Variants in GLMN observed in about 807,000 individuals in gnomAD.
The protein encoded by GLMN is glomulin.
A neutral mutation model predicts 87.8 loss-of-function variants in GLMN; 75 were observed. The ratio of observed to expected loss-of-function variants is 0.85; its 90% CI spans 0.71 to 1.04. The LOEUF (loss-of-function observed/expected upper bound fraction) is 1.04, where lower values mean the gene tolerates loss of function less well. Among genes scored for constraint, GLMN ranks in the 50% least tolerant of loss-of-function variants. GLMN has a pLI of 0.00. For missense variants in GLMN, 588 were observed against 658.8 expected (o/e 0.89, Z 1.18); for synonymous variants, 206 against 221.6 (o/e 0.93, Z 0.63).
At chr1:92,292,728 TTTTC>T (rs1335522075) in intron 3 of GLMN, among the ~76,000 whole-genome samples, 11 of 136,558 alleles carry the variant, frequency 8.1e-5, no homozygotes, top group African/African-American at 2.3e-4. Flanking sequence ...CCGTCTTTTC[TTTTC>T]TTTTTTTTTT....
intron 7 of GLMN, among the ~76,000 whole-genome samples, chr1:92,285,307 C>T (rs929992839): frequency 2.0e-5 from 3 of 152,146 alleles, no homozygotes; most frequent in African/African-American, 7.2e-5. Context: ...AGTTCATGTC[C>T]TTTGCAGGGA....
In GLMN at chr1:92,283,319, G is replaced by A. The variant is rs564461824; in HGVS notation, c.735+3171C>T. Among the ~76,000 whole-genome samples, 86 of 152,270 alleles carry A rather than the reference G, an allele frequency of 5.6e-4. 1 individual carries two copies. Among genetic ancestry groups the A allele is most frequent in the African/African-American group, 1.9e-3 (81 of 41,552 alleles). On this transcript the variant is annotated intron_variant, in intron 7 of 18. Coordinates refer to ENST00000370360, the MANE Select transcript of GLMN (RefSeq NM_053274.3). ...GGGATGCAAGGCCGGTTCAACATAT[G>A]CAAATCAATAAACGTAATCTATCAC...
rs539794668 is a variant in GLMN at position 92,262,849 on chromosome 1, A to C, written c.1473+14T>G. 1.2e-5 allele frequency: 12 copies of C among 1,030,118 alleles called. No individual in the cohort carries two copies. The highest frequency in any genetic ancestry group is 1.8e-5 in the Non-Finnish European group (12 of 653,190). 63.8% of individuals were successfully genotyped at this position (1,030,118 alleles called of 1,614,324 possible). On this transcript the variant is annotated intron_variant, in intron 16 of 18. Coordinates refer to ENST00000370360, the MANE Select transcript of GLMN (RefSeq NM_053274.3). The stretch of plus-strand genomic sequence containing the variant: ...TGAATATACTCACAGTTTCTTTTCA[A>C]ATACTTCACTTACTTGATTGTCATT...
chr1:92,329,092 C>T, the GLMN span, among the ~76,000 whole-genome samples: 12 of 152,052 alleles, frequency 7.9e-5, 1 homozygote, highest in Admixed American at 6.5e-5. Flanking sequence ...TTTTTAAGTG[C>T]GCTGGTTTTG....
At chr1:92,259,897 C>A (rs1654803533) in intron 16 of GLMN, among the ~76,000 whole-genome samples, 2 of 151,886 alleles carry the variant, frequency 1.3e-5, no homozygotes, top group Non-Finnish European at 1.5e-5. Context: ...CCATGCCTGG[C>A]TAATTTTGTT....
chr1:92,345,798 GTTTA>G, the GLMN span: 3 of 1,164,014 alleles, frequency 2.6e-6, no homozygotes, highest in African/African-American at 1.5e-5. Context: ...GAAATAGAAA[GTTTA>G]TTTAAAGGTA....
chr1:92,305,479 G>C, the GLMN span, among the ~76,000 whole-genome samples: 1 of 133,856 alleles, frequency 7.5e-6, no homozygotes, highest in Non-Finnish European at 1.6e-5. Context: ...TAAACTTGGG[G>C]TAGAGAGACT....
At chr1:92,251,425 A>C (rs1361593049) in intron 16 of GLMN, among the ~76,000 whole-genome samples, 1 of 152,158 alleles carries the variant, frequency 6.6e-6, no homozygotes, top group Non-Finnish European at 1.5e-5. Context: ...CTCTCAACCC[A>C]TATCTCATAT....
chr1:92,299,193 C>T (rs2101086423), upstream of GLMN: 1 of 1,233,360 alleles, frequency 8.1e-7, no homozygotes, highest in East Asian at 2.9e-5. Context: ...AAAGCTGGGC[C>T]CCGATCTCGA....
the GLMN span, among the ~76,000 whole-genome samples, chr1:92,311,261 T>C: frequency 6.6e-6 from 1 of 152,212 alleles, no homozygotes; most frequent in Non-Finnish European, 1.5e-5. Flanking sequence ...ACTTCCGAGT[T>C]CCCTTTGGTT....
At position 92,298,936 on chromosome 1, in the gene GLMN, C is replaced by T. The variant is rs568963497; in HGVS notation, c.-42G>A. 3 of 485,554 alleles carry T rather than the reference C, an allele frequency of 6.2e-6. No individual in the cohort carries two copies. Among genetic ancestry groups the T allele is most frequent in the Admixed American group, 3.9e-5 (1 of 25,870 alleles). The allele number at this position is 485,554 out of a possible 1,614,324, so 30.1% of individuals were successfully genotyped here. On this transcript the variant is annotated 5_prime_UTR_variant, in exon 1 of 19. Coordinates refer to ENST00000370360, the MANE Select transcript of GLMN (RefSeq NM_053274.3). ...ACAACTCCACTTACCGGCCAGAACC[C>T]TCGCCTCTCCCAGCCGCCGCCACCT...
At chr1:92,304,354 G>C in the GLMN span, 1 of 1,474,412 alleles carries the variant, frequency 6.8e-7, no homozygotes, top group Non-Finnish European at 9.3e-7. Context: ...AGAAAGGTGA[G>C]TTTAAAGGCT....
At chr1:92,295,750 G>A (rs1246453293) in intron 3 of GLMN, among the ~76,000 whole-genome samples, 1 of 152,186 alleles carries the variant, frequency 6.6e-6, no homozygotes, top group East Asian at 1.9e-4. Flanking sequence ...TTTTGGGCAA[G>A]TCATTTAACT....
chr1:92,345,398 AAAAG>A, the GLMN span, among the ~76,000 whole-genome samples: 26 of 146,988 alleles, frequency 1.8e-4, no homozygotes, highest in African/African-American at 5.7e-4. Context: ...AAAAAAAAAA[AAAAG>A]AGAGAGAGAG....
the GLMN span, among the ~76,000 whole-genome samples, chr1:92,351,871 A>T: frequency 6.6e-6 from 1 of 152,188 alleles, no homozygotes; most frequent in African/African-American, 2.4e-5. Flanking sequence ...CTTTGTAAAT[A>T]AGCCACTACT....
intron 16 of GLMN, among the ~76,000 whole-genome samples, chr1:92,258,471 C>A (rs1414610400): frequency 6.6e-6 from 1 of 152,168 alleles, no homozygotes; most frequent in African/African-American, 2.4e-5. Flanking sequence ...TACTGCAGCA[C>A]TATTCACAAT....
the GLMN span, among the ~76,000 whole-genome samples, chr1:92,345,630 A>T: frequency 6.6e-6 from 1 of 152,060 alleles, no homozygotes; most frequent in African/African-American, 2.4e-5. Flanking sequence ...AACATATAAA[A>T]GTGGGGCTGG....
At chr1:92,366,110 A>G in the GLMN span, among the ~76,000 whole-genome samples, 63 of 152,186 alleles carry the variant, frequency 4.1e-4, no homozygotes, top group Middle Eastern at 3.2e-3. Context: ...TCTAGCTCCA[A>G]TTTAGAAAGT....
chr1:92,328,435 T>C, the GLMN span, among the ~76,000 whole-genome samples: 2 of 152,342 alleles, frequency 1.3e-5, no homozygotes, highest in South Asian at 2.1e-4. Context: ...CTCAATTTTA[T>C]TGCTGAGACT....
Sources: allele counts gnomAD v4.1 joint callset (sites outside exome capture counted in the v4.1 genomes callset), GRCh38; gene constraint gnomAD v4.1.1; transcripts MANE v1.5; gene names NCBI Gene and HGNC (gene_info 2026-07-23, HGNC 2026-07-21).